PCNX2: variants seen among roughly 807,000 people sequenced by gnomAD.
PCNX2 encodes pecanex 2, also known as pecanex-like protein 2.
A neutral mutation model predicts 223.8 loss-of-function variants in PCNX2; 168 were observed. That is an observed-to-expected ratio of 0.75 (90% CI 0.66 to 0.85). PCNX2 has a LOEUF of 0.85. Ranked by LOEUF, PCNX2 falls within the 40% of genes least tolerant of loss-of-function variation. The probability of loss-of-function intolerance (pLI) is 0.00; values close to 1 mark genes in which losing one functional copy is unlikely to be tolerated. For missense variants in PCNX2, 2,507 were observed against 2,675.5 expected (o/e 0.94, Z 1.39); for synonymous variants, 1,006 against 1,052.6 (o/e 0.96, Z 0.86).
chr1:233,174,201 T>A (rs1264115604), intron 17 of PCNX2, among the ~76,000 whole-genome samples: 1 of 114,726 alleles, frequency 8.7e-6, no homozygotes, highest in African/African-American at 3.0e-5. Flanking sequence ...TAATTTATAT[T>A]ATATATTATA....
At chr1:233,302,777 C>G in the PCNX2 span, among the ~76,000 whole-genome samples, 1 of 151,998 alleles carries the variant, frequency 6.6e-6, no homozygotes, top group Non-Finnish European at 1.5e-5. Flanking sequence ...ATTCCTTTGA[C>G]CTATAGATTA....
At chr1:233,069,091 G>A (rs931815444) in intron 23 of PCNX2, among the ~76,000 whole-genome samples, 3 of 152,084 alleles carry the variant, frequency 2.0e-5, no homozygotes, top group Non-Finnish European at 2.9e-5. Flanking sequence ...AGTAGACTCC[G>A]TAACAAAGAA....
intron 25 of PCNX2, among the ~76,000 whole-genome samples, chr1:233,032,699 T>G (rs1356121279): frequency 6.6e-6 from 1 of 152,066 alleles, no homozygotes; most frequent in Non-Finnish European, 1.5e-5. Context: ...AGATGGCGAA[T>G]TTGAATTTCT....
At chr1:233,201,043 A>G (rs1482330470) in intron 13 of PCNX2, among the ~76,000 whole-genome samples, 1 of 150,456 alleles carries the variant, frequency 6.6e-6, no homozygotes, top group Non-Finnish European at 1.5e-5. Context: ...AAAAAAAAAA[A>G]AAAAAGTTGG....
chr1:233,114,103 T>C (rs1467446227), intron 21 of PCNX2, among the ~76,000 whole-genome samples: 3 of 152,210 alleles, frequency 2.0e-5, no homozygotes, highest in Admixed American at 6.5e-5. Flanking sequence ...TATAAGATGA[T>C]GACGGCTATG....
At chr1:233,027,950 T>C (rs1671139826) in intron 25 of PCNX2, among the ~76,000 whole-genome samples, 1 of 152,242 alleles carries the variant, frequency 6.6e-6, no homozygotes, top group Non-Finnish European at 1.5e-5. Context: ...TTTGTTTTCA[T>C]TCAGTTCAGT....
intron 19 of PCNX2, among the ~76,000 whole-genome samples, chr1:233,141,050 A>C (rs1233791303): frequency 2.0e-5 from 3 of 152,112 alleles, no homozygotes; most frequent in South Asian, 2.1e-4. Flanking sequence ...AAAAAAAAAA[A>C]CTTTACCCTA....
chr1:233,319,410 A>C, the PCNX2 span, among the ~76,000 whole-genome samples: 1 of 152,238 alleles, frequency 6.6e-6, no homozygotes, highest in African/African-American at 2.4e-5. Context: ...GGCTCCTTTC[A>C]GACAGGAAAC....
At chr1:232,984,561 G>A in intron 33 of PCNX2, 84 bp from the exon 34 acceptor site, 4 of 1,465,698 alleles carry the variant, frequency 2.7e-6, no homozygotes, top group Non-Finnish European at 3.7e-6. Context: ...CATCCGTGCT[G>A]TGGGAGCTAA....
At chr1:233,191,344 G>C (rs1257302236) in intron 15 of PCNX2, among the ~76,000 whole-genome samples, 1 of 152,136 alleles carries the variant, frequency 6.6e-6, no homozygotes, top group Non-Finnish European at 1.5e-5. Context: ...ATCAGTTACA[G>C]AGAGCATGCA....
chr1:233,289,162 C>T (rs374102049), intron 1 of PCNX2: 80 of 838,634 alleles, frequency 9.5e-5, no homozygotes, highest in African/African-American at 2.6e-4. Context: ...CTCCTTTAAG[C>T]GATAAAGACA....
At chr1:233,257,660 C>T (rs531428804) in intron 5 of PCNX2, among the ~76,000 whole-genome samples, 2 of 152,164 alleles carry the variant, frequency 1.3e-5, no homozygotes, top group Admixed American at 1.3e-4. Context: ...AGAAATTTGT[C>T]TTAGAATCAA....
At chr1:233,002,572 C>T (rs1463139743) in intron 28 of PCNX2, among the ~76,000 whole-genome samples, 1 of 152,160 alleles carries the variant, frequency 6.6e-6, no homozygotes, top group Non-Finnish European at 1.5e-5. Context: ...TGAAAATGGC[C>T]ATACTGCCCG....
intron 12 of PCNX2, among the ~76,000 whole-genome samples, chr1:233,212,897 T>A (rs1204342309): frequency 6.6e-6 from 1 of 152,246 alleles, no homozygotes; most frequent in African/African-American, 2.4e-5. Flanking sequence ...ATCATTCCTC[T>A]GATAAGCACT....
chr1:233,139,813 A>G lies in PCNX2; in HGVS notation c.3560T>C (p.Leu1187Pro). The G allele has an allele frequency of 6.2e-7, 1 of 1,613,618 alleles. No homozygotes were observed. The highest frequency in any genetic ancestry group is 8.5e-7 in the Non-Finnish European group (1 of 1,179,784). ...CAAGATGTATTTTTCAAAACACTGA[A>G]GCCAAACATAGAGTCTTTCGAACCA... ...LMWFERLYVWLQCFEKYILYP... is the reference protein window; with the variant it reads ...LMWFERLYVWPQCFEKYILYP... The change falls in exon 20 of 34, where the codon CTT becomes CCT. Residue 1187 changes from leucine to proline, a missense_variant. Transcript: ENST00000258229. The surrounding 1 kb of genome is among the most constrained non-coding windows in gnomAD (Gnocchi z 4.4).
At chr1:233,072,110 G>T (rs1672884191) in intron 23 of PCNX2, among the ~76,000 whole-genome samples, 1 of 152,156 alleles carries the variant, frequency 6.6e-6, no homozygotes, top group African/African-American at 2.4e-5. Context: ...TTACTCTGTG[G>T]ATAGTTTCTT....
At chr1:233,215,883 AAAG>A (rs1158413472) in intron 12 of PCNX2, among the ~76,000 whole-genome samples, 9 of 152,252 alleles carry the variant, frequency 5.9e-5, no homozygotes, top group East Asian at 3.8e-4. Context: ...CTCTAGGATA[AAAG>A]AAGATGTATT....
At chr1:233,089,191 C>T (rs1024267159) in intron 23 of PCNX2, among the ~76,000 whole-genome samples, 19 of 89,540 alleles carry the variant, frequency 2.1e-4, no homozygotes, top group Admixed American at 4.4e-4. Flanking sequence ...AAACAAATTA[C>T]GGAAAAAAGG....
At position 233,126,517 on chromosome 1, in the gene PCNX2, T is replaced by G. The variant is rs201915321; in HGVS notation, c.3837+8496A>C. On this transcript the variant is annotated intron_variant, in intron 21 of 33. Transcript: ENST00000258229. This position sits in a 1 kb window ranked among gnomAD's most constrained non-coding sequence, Gnocchi z 4.8. ...AAATTTGTGTGGTGTGTGTGTGTGTTTGTGTGTGTGTGTGTGTGTGTAAAT... is the reference window on the plus strand; with the variant it reads ...AAATTTGTGTGGTGTGTGTGTGTGTGTGTGTGTGTGTGTGTGTGTGTAAAT... 6.1e-5 allele frequency among the ~76,000 whole-genome samples: 9 copies of G among 147,940 alleles called. No individual in the cohort carries two copies. Among genetic ancestry groups the G allele is most frequent in the East Asian group, 2.0e-4 (1 of 5,024 alleles).
Sources: allele counts gnomAD v4.1 joint callset (sites outside exome capture counted in the v4.1 genomes callset), GRCh38; gene constraint gnomAD v4.1.1; non-coding constraint Gnocchi (gnomAD v3.1); transcripts MANE v1.5; gene names NCBI Gene and HGNC (gene_info 2026-07-23, HGNC 2026-07-21).